CPNE3: variants seen among roughly 807,000 people sequenced by gnomAD.
CPNE3 encodes copine 3.
A neutral mutation model predicts 63.9 loss-of-function variants in CPNE3; 68 were observed. The ratio of observed to expected loss-of-function variants is 1.06; its 90% CI spans 0.87 to 1.30. The LOEUF is 1.30. CPNE3 is among the 50% of genes most tolerant of loss of function. The pLI is 0.00. For missense variants in CPNE3, 665 were observed against 578.1 expected, an observed-to-expected ratio of 1.15 and a Z score of -1.54; for synonymous variants, 219 against 197.5, an observed-to-expected ratio of 1.11 and a Z score of -0.91.
At chr8:86,542,632 A>G (rs1716414802) in intron 8 of CPNE3, among the ~76,000 whole-genome samples, 1 of 151,992 alleles carries the variant, frequency 6.6e-6, no homozygotes, top group African/African-American at 2.4e-5. Flanking sequence ...ATGCATATGT[A>G]TATATGCATA....
At position 86,551,201 on chromosome 8, in the gene CPNE3, A is replaced by G. The variant is rs781474044; in HGVS notation, c.1087A>G (p.Met363Val). The G allele has an allele frequency of 8.6e-5, 139 of 1,611,324 alleles. 1 individual carries two copies. In the Middle Eastern group the frequency reaches 1.2e-3, roughly 13 times the overall value. ...TTGACAGGTATCACATGAATTTCCA[A>G]TGAACTTCAACCCATCCAATCCCTA... ...PQWQVSHEFP[M>V]NFNPSNPYCN... The change falls in exon 14 of 17, where the codon ATG becomes GTG. Residue 363 changes from methionine to valine, a missense_variant. Coordinates refer to ENST00000517490, the MANE Select transcript of CPNE3 (RefSeq NM_003909.5).
At chr8:86,537,004 A>G (rs1376411649) in intron 6 of CPNE3, among the ~76,000 whole-genome samples, 4 of 152,154 alleles carry the variant, frequency 2.6e-5, no homozygotes, top group Non-Finnish European at 4.4e-5. Context: ...CCACATATCT[A>G]CCTCTGGTCA....
chr8:86,547,898 T>C lies in CPNE3; in HGVS notation c.879+128T>C, dbSNP rs1186633592. Reference sequence around the variant, plus strand: ...GTTTAGCATAGTCCTCTTAGAGTCCTCAGGCAGGTTGTCTGGGCTCATCAT... The same window carrying C: ...GTTTAGCATAGTCCTCTTAGAGTCCCCAGGCAGGTTGTCTGGGCTCATCAT... On this transcript the variant is annotated intron_variant, in intron 11 of 16. Transcript: ENST00000517490. 4 of 614,476 alleles carry C rather than the reference T, an allele frequency of 6.5e-6. No individual in the cohort carries two copies. The African/African-American group carries it at 7.4e-5, about 11-fold the overall frequency. 38.1% of individuals were successfully genotyped at this position (614,476 alleles called of 1,614,324 possible).
Position 86,555,018 on chromosome 8 carries a change from G to A in CPNE3, c.1254+34G>A, listed in dbSNP as rs1453756969. On this transcript the variant is annotated intron_variant, in intron 15 of 16. Transcript: ENST00000517490. ...TCTATGGCCAGGGAATGGGAAGAATGTGGATTGGTAGCAGCTCCTGGTGCC... is the reference window on the plus strand; with the variant it reads ...TCTATGGCCAGGGAATGGGAAGAATATGGATTGGTAGCAGCTCCTGGTGCC... 9 of 1,612,536 alleles carry A rather than the reference G, an allele frequency of 5.6e-6. No individual in the cohort carries two copies. The Admixed American group carries it at 1.5e-4, about 27-fold the overall frequency.
chr8:86,533,202 A>G (rs910576623), intron 6 of CPNE3, among the ~76,000 whole-genome samples: 7 of 151,982 alleles, frequency 4.6e-5, no homozygotes, highest in Non-Finnish European at 1.0e-4. Context: ...TTTTGTACTT[A>G]ATTCTATAAT....
intron 4 of CPNE3, 89 bp from the exon 5 acceptor site, chr8:86,531,066 T>G: frequency 1.4e-6 from 1 of 736,060 alleles, no homozygotes; most frequent in Admixed American, 2.0e-5. Flanking sequence ...AAGTGAACCT[T>G]ATACTCAGTC....
chr8:86,529,683 T>C (rs1820625831), intron 4 of CPNE3, among the ~76,000 whole-genome samples: 1 of 152,206 alleles, frequency 6.6e-6, no homozygotes, highest in Non-Finnish European at 1.5e-5. Flanking sequence ...GTCTTCCCAG[T>C]ATATGATAAG....
At chr8:86,531,264 AT>A in intron 5 of CPNE3, 35 bp downstream of exon 5, 1 of 902,232 alleles carries the variant, frequency 1.1e-6, no homozygotes, top group South Asian at 1.3e-5. Context: ...GTCTCAAAAG[AT>A]TTAGCATAAC....
chr8:86,542,287 G>C (rs866248180), intron 8 of CPNE3, among the ~76,000 whole-genome samples: 1 of 152,172 alleles, frequency 6.6e-6, no homozygotes, highest in African/African-American at 2.4e-5. Flanking sequence ...AAGAGTTATA[G>C]AGCAGTGAAT....
intron 6 of CPNE3, 118 bp downstream of exon 6, chr8:86,532,698 C>A: frequency 1.2e-6 from 1 of 850,940 alleles, no homozygotes; most frequent in Non-Finnish European, 1.9e-6. Flanking sequence ...GTACTAGTTA[C>A]TTTCAAATTT....
At position 86,514,480 on chromosome 8, in the gene CPNE3, C is replaced by T. The variant is rs1412650231; in HGVS notation, c.-110C>T. ...TCCTGAATCCCTGCGGTCCCAGCGTCGCTCCGGACGCTGCCAACCTGTTCT... is the reference window on the plus strand; with the variant it reads ...TCCTGAATCCCTGCGGTCCCAGCGTTGCTCCGGACGCTGCCAACCTGTTCT... On this transcript the variant is annotated 5_prime_UTR_variant, in exon 1 of 17. Coordinates refer to ENST00000517490, the MANE Select transcript of CPNE3 (RefSeq NM_003909.5). 2 of 149,604 alleles carry T rather than the reference C, an allele frequency of 1.3e-5. No individual in the cohort carries two copies. Among genetic ancestry groups the T allele is most frequent in the Admixed American group, 1.3e-4 (2 of 14,854 alleles). The allele number at this position is 149,604 out of a possible 1,614,324, so 9.3% of individuals were successfully genotyped here. A position where few individuals can be genotyped will look rare whatever the true frequency, so the allele number is the denominator to read the frequency against.
At chr8:86,537,330 G>A (rs1167635258) in intron 6 of CPNE3, among the ~76,000 whole-genome samples, 1 of 152,152 alleles carries the variant, frequency 6.6e-6, no homozygotes, top group Non-Finnish European at 1.5e-5. Flanking sequence ...TTTTTGAGAA[G>A]TCAGGGTATG....
intron 14 of CPNE3, among the ~76,000 whole-genome samples, 155 bp from the exon 15 acceptor site, chr8:86,554,696 G>A (rs1821273171): frequency 6.6e-6 from 1 of 152,182 alleles, no homozygotes; most frequent in Non-Finnish European, 1.5e-5. Context: ...ATGGAGTTAT[G>A]TAATACATAG....
At chr8:86,520,692 C>T (rs1429865469) in intron 2 of CPNE3, among the ~76,000 whole-genome samples, 1 of 136,532 alleles carries the variant, frequency 7.3e-6, no homozygotes, top group Non-Finnish European at 1.5e-5. Context: ...CGGAGTCTTG[C>T]TTTGTCACCC....
chr8:86,547,483 C>T lies in CPNE3; in HGVS notation c.820-228C>T, dbSNP rs190527711. On this transcript the variant is annotated intron_variant, in intron 10 of 16. Transcript: ENST00000517490. Reference sequence around the variant, plus strand: ...CTTAAAATGAGTGTATTTCATCTTTCGCCATTAGTATTCTAATCTTAACAT... The same window carrying T: ...CTTAAAATGAGTGTATTTCATCTTTTGCCATTAGTATTCTAATCTTAACAT... 6.9e-4 allele frequency: 290 copies of T among 421,538 alleles called. 1 individual carries two copies. The highest frequency in any genetic ancestry group is 5.5e-3 in the African/African-American group (265 of 48,234). 26.1% of individuals were successfully genotyped at this position (421,538 alleles called of 1,614,324 possible).
At chr8:86,528,709 CT>C (rs1328217199) in intron 3 of CPNE3, 32 bp downstream of exon 3, 1 of 1,578,142 alleles carries the variant, frequency 6.3e-7, no homozygotes, top group East Asian at 2.2e-5. Context: ...AAAAAGTAAT[CT>C]GAATTACCCT....
At chr8:86,557,758 A>G (rs1821354552) in intron 16 of CPNE3, among the ~76,000 whole-genome samples, 1 of 150,694 alleles carries the variant, frequency 6.6e-6, no homozygotes, top group Non-Finnish European at 1.5e-5. Context: ...ACACACATAC[A>G]CACACACACA....
chr8:86,557,147 T>G (rs1821343094), intron 16 of CPNE3, among the ~76,000 whole-genome samples: 1 of 152,132 alleles, frequency 6.6e-6, no homozygotes, highest in South Asian at 2.1e-4. Context: ...TGTTGTTGTT[T>G]GTTTGTTTTG....
chr8:86,520,326 C>T (rs899995861), intron 2 of CPNE3, among the ~76,000 whole-genome samples: 1 of 152,074 alleles, frequency 6.6e-6, no homozygotes, highest in Admixed American at 6.5e-5. Context: ...GGGCAGATTA[C>T]AGGCGGATTA....
Sources: allele counts gnomAD v4.1 joint callset (sites outside exome capture counted in the v4.1 genomes callset), GRCh38; gene constraint gnomAD v4.1.1; transcripts MANE v1.5; gene names NCBI Gene and HGNC (gene_info 2026-07-23, HGNC 2026-07-21).